The following TEK variants were observed in gnomAD, a reference collection of about 807,000 sequenced individuals.
The protein encoded by TEK is TEK receptor tyrosine kinase, also known as angiopoietin-1 receptor.
A neutral mutation model predicts 131.8 loss-of-function variants in TEK; 43 were observed. The ratio of observed to expected loss-of-function variants is 0.33; its 90% confidence interval spans 0.26 to 0.42. The LOEUF is 0.42. Among genes scored for constraint, TEK ranks in the 10% least tolerant of loss-of-function variants. The pLI is 1.00. For synonymous variants in TEK, 580 were observed against 491.6 expected (o/e 1.18, Z -2.38); for missense variants, 1,162 against 1,384.4 (o/e 0.84, Z 2.55).
chr9:27,115,770 C>T (rs10738763), intron 1 of TEK, among the ~76,000 whole-genome samples: 111,562 of 152,018 alleles, frequency 0.73, 41,656 homozygotes, highest in East Asian at 0.92. Context: ...GCAACCTATA[C>T]AAAGGGGGTG....
intron 21 of TEK, among the ~76,000 whole-genome samples, chr9:27,221,776 A>C (rs1826092883): frequency 6.6e-6 from 1 of 152,232 alleles, no homozygotes; most frequent in Non-Finnish European, 1.5e-5. Context: ...AAATCCACGA[A>C]GATGGAGAGA....
chr9:27,119,499 T>A (rs1005517741), intron 1 of TEK, among the ~76,000 whole-genome samples: 6 of 152,330 alleles, frequency 3.9e-5, no homozygotes, highest in African/African-American at 1.4e-4. Flanking sequence ...TCCATGCAGA[T>A]GAGGCTCCCT....
At chr9:27,114,051 C>G (rs1821450334) in intron 1 of TEK, among the ~76,000 whole-genome samples, 1 of 152,238 alleles carries the variant, frequency 6.6e-6, no homozygotes, top group African/African-American at 2.4e-5. Context: ...CTTTACCATG[C>G]AGATTGTGTC....
rs767457409 is a variant in TEK, at chr9:27,173,379, C to A, written c.901+17C>A. Reference sequence around the variant, plus strand: ...GCAATGAAGGTATGCACCAATCACACCCTTGGACAGAGGATGTTCTAGCAG... The same window carrying A: ...GCAATGAAGGTATGCACCAATCACAACCTTGGACAGAGGATGTTCTAGCAG... On this transcript the variant is annotated intron_variant, in intron 6 of 22. Transcript: ENST00000380036. The A allele has an allele frequency of 1.2e-6, 2 of 1,613,542 alleles. No individual in the cohort carries two copies. Among genetic ancestry groups the A allele is most frequent in the Non-Finnish European group, 1.7e-6 (2 of 1,179,714 alleles).
chr9:27,227,601 G>A lies in TEK; in HGVS notation c.3201-605G>A, dbSNP rs553352080. Among the ~76,000 whole-genome samples, 9 of 152,204 alleles carry A rather than the reference G, an allele frequency of 5.9e-5. No homozygotes were observed. The South Asian group carries it at 6.2e-4, about 11-fold the overall frequency. On this transcript the variant is annotated intron_variant, in intron 21 of 22. Transcript: ENST00000380036. The stretch of plus-strand genomic sequence containing the variant: ...GGCCATCTTTCTGCTGTGTCCTCAC[G>A]TGGCACTAGGGGCAAAAGAGCTCTT...
chr9:27,215,024 A>G (rs1825766774), intron 18 of TEK, among the ~76,000 whole-genome samples: 1 of 152,116 alleles, frequency 6.6e-6, no homozygotes, highest in Non-Finnish European at 1.5e-5. Flanking sequence ...CCTTCCTGAA[A>G]TCCTTTTCCC....
In TEK at chr9:27,183,474, C is replaced by G. The variant is rs1478357889; in HGVS notation, c.1046C>G (p.Thr349Ser). ...CTTCCTTCAGGCATACAGAGGATGA[C>G]CCCAAAGATAGTGGATTTGCCAGAT... Reference protein sequence around the residue: ...QCEREGIQRMTPKIVDLPDHI... With the variant: ...QCEREGIQRMSPKIVDLPDHI... The change falls in exon 8 of 23, where the codon ACC (threonine) becomes AGC (serine). Residue 349 changes from threonine (T) to serine (S), a missense_variant. By Grantham distance (58) the Thr-to-Ser change is moderately conservative. This residue lies in a region of TEK where 436 missense variants were observed against 539.1 expected (regional missense o/e 0.81). Coordinates refer to ENST00000380036, the MANE Select transcript of TEK (RefSeq NM_000459.5). The G allele has an allele frequency of 6.2e-7, 1 of 1,613,774 alleles. No homozygotes were observed. The highest frequency in any genetic ancestry group is 2.2e-5 in the East Asian group (1 of 44,880).
intron 15 of TEK, among the ~76,000 whole-genome samples, chr9:27,208,013 G>A (rs914665468): frequency 1.6e-4 from 24 of 152,138 alleles, no homozygotes; most frequent in Non-Finnish European, 2.6e-4. Context: ...TATGAAGGCA[G>A]TTTTTATTGG....
rs1822422404 is a variant in TEK, at chr9:27,136,092, T to TTA, written c.53-21738_53-21737insAT. ...TGAATTCCCAGGGCAGTTATTTTTT[T>TTA]TTTTTTTGAGATGGAGTCTCGCTCT... On this transcript the variant is annotated intron_variant, in intron 1 of 22. Transcript: ENST00000380036. 3.3e-5 allele frequency among the ~76,000 whole-genome samples: 5 copies of TTA among 150,788 alleles called. 1 individual carries two copies. Among genetic ancestry groups the TTA allele is most frequent in the African/African-American group, 1.2e-4 (5 of 41,066 alleles).
At chr9:27,110,750 A>G (rs1406283307) in intron 1 of TEK, among the ~76,000 whole-genome samples, 1 of 152,198 alleles carries the variant, frequency 6.6e-6, no homozygotes, top group Non-Finnish European at 1.5e-5. Context: ...ATAGCTCTCA[A>G]CAACCAATAT....
chr9:27,209,927 T>G lies in TEK; in HGVS notation c.2686+696T>G, dbSNP rs148007308. ...TACCTCTGCATGCAGCATGGCCTTG[T>G]AGTTCTGAATCTCTGCTTAAACTTC... On this transcript the variant is annotated intron_variant, in intron 16 of 22. Transcript: ENST00000380036. 4.2e-3 allele frequency among the ~76,000 whole-genome samples: 636 copies of G among 152,350 alleles called. 7 individuals carry two copies. The highest frequency in any genetic ancestry group is 0.015 in the African/African-American group (608 of 41,584).
chr9:27,122,317 A>ATAATTGTGTTATAATTG (rs1821824098), intron 1 of TEK, among the ~76,000 whole-genome samples: 1 of 152,166 alleles, frequency 6.6e-6, no homozygotes, highest in Non-Finnish European at 1.5e-5. Context: ...GAAAACAGGG[A>ATAATTGTGTTATAATTG]TCTCACCAGG....
intron 21 of TEK, among the ~76,000 whole-genome samples, chr9:27,221,508 G>A (rs1245225761): frequency 6.6e-6 from 1 of 151,966 alleles, no homozygotes; most frequent in Non-Finnish European, 1.5e-5. Flanking sequence ...GGGGTCGACA[G>A]GACATCTTAT....
At chr9:27,185,435 C>T (rs573322557) in intron 8 of TEK, 50 bp from the exon 9 acceptor site, 17 of 1,610,162 alleles carry the variant, frequency 1.1e-5, no homozygotes, top group African/African-American at 8.0e-5. Context: ...TGGACCTTTG[C>T]GTTTATGCCT....
chr9:27,166,046 C>G (rs552097736), intron 2 of TEK, among the ~76,000 whole-genome samples: 1 of 152,234 alleles, frequency 6.6e-6, no homozygotes, highest in Admixed American at 6.5e-5. Flanking sequence ...CTGAAAGCCA[C>G]GGATGAGATG....
rs147334851 is a variant in TEK, at chr9:27,129,640, T to C, written c.52+19998T>C. On this transcript the variant is annotated intron_variant, in intron 1 of 22. Coordinates refer to ENST00000380036, the MANE Select transcript of TEK (RefSeq NM_000459.5). ...GCCCCTTCCAAGGGGCTTATGCAAA[T>C]ATTCACCCAATAAAATATTTCCTTC... Among the ~76,000 whole-genome samples, 271 of 152,342 alleles carry C rather than the reference T, an allele frequency of 1.8e-3. 2 individuals are homozygous for C. The highest frequency in any genetic ancestry group is 6.3e-3 in the African/African-American group (264 of 41,588).
chr9:27,207,845 C>G (rs1825453414), intron 15 of TEK, among the ~76,000 whole-genome samples: 1 of 152,052 alleles, frequency 6.6e-6, no homozygotes, highest in South Asian at 2.1e-4. Flanking sequence ...ACTAACAAAA[C>G]AAAATATTAT....
intron 11 of TEK, among the ~76,000 whole-genome samples, chr9:27,192,917 C>G (rs1430491014): frequency 1.3e-5 from 2 of 152,162 alleles, no homozygotes; most frequent in African/African-American, 4.8e-5. Flanking sequence ...AGGGCCTCCC[C>G]TAGGAGCTGG....
chr9:27,147,736 T>G (rs1822979506), intron 1 of TEK, among the ~76,000 whole-genome samples: 2 of 152,206 alleles, frequency 1.3e-5, no homozygotes, highest in South Asian at 4.1e-4. Flanking sequence ...ACACGATGTA[T>G]TTTTAGTGAA....
Sources: allele counts gnomAD v4.1 joint callset (sites outside exome capture counted in the v4.1 genomes callset), GRCh38; gene constraint gnomAD v4.1.1; regional missense constraint gnomAD v4.1.1; transcripts MANE v1.5; gene names NCBI Gene and HGNC (gene_info 2026-07-23, HGNC 2026-07-21).